Variants in CCDC88C observed in about 807,000 individuals in gnomAD.
The protein encoded by CCDC88C is coiled-coil and HOOK domain protein 88C.
Under a neutral mutation model 198.8 loss-of-function variants are expected in CCDC88C, and 131 were observed. That is an observed-to-expected ratio of 0.66 (90% CI 0.57 to 0.76). The LOEUF (loss-of-function observed/expected upper bound fraction) is 0.76. Ranked by LOEUF, CCDC88C falls within the 30% of genes least tolerant of loss-of-function variation. CCDC88C has a pLI of 0.00. For synonymous variants in CCDC88C, 1,166 were observed against 1,114.7 expected, an observed-to-expected ratio of 1.05 and a Z score of -0.92; for missense variants, 2,553 against 2,631.6, an observed-to-expected ratio of 0.97 and a Z score of 0.65.
intron 12 of CCDC88C, among the ~76,000 whole-genome samples, chr14:91,322,025 G>A (rs1233126525): frequency 6.6e-6 from 1 of 152,072 alleles, no homozygotes; most frequent in African/African-American, 2.4e-5. Context: ...CCACAAGCAG[G>A]TGCATGATTT....
At position 91,288,089 on chromosome 14, in the gene CCDC88C, G is replaced by C. The variant is rs983083601; in HGVS notation, c.4441+1016C>G. 1.3e-5 allele frequency among the ~76,000 whole-genome samples: 2 copies of C among 152,200 alleles called. No individual in the cohort carries two copies. Among genetic ancestry groups the C allele is most frequent in the African/African-American group, 4.8e-5 (2 of 41,450 alleles). ...GGTCCTATTTTCCTTTTACGTGTGT[G>C]TACAAAAATCGAATTCTTATTTAGA... is the stretch of plus-strand genomic sequence containing the variant. On this transcript the variant is annotated intron_variant, in intron 25 of 29. Transcript: ENST00000389857. This position sits in a 1 kb window ranked among gnomAD's most constrained non-coding sequence, Gnocchi z 4.2.
intron 26 of CCDC88C, among the ~76,000 whole-genome samples, chr14:91,282,121 G>C (rs1010691264): frequency 6.6e-6 from 1 of 152,152 alleles, no homozygotes; most frequent in African/African-American, 2.4e-5. Context: ...AGCAGACCCT[G>C]GGTCCCCTCC....
At chr14:91,283,260 G>A (rs905344036) in intron 26 of CCDC88C, 69 bp downstream of exon 26, 27 of 1,487,176 alleles carry the variant, frequency 1.8e-5, no homozygotes, top group Non-Finnish European at 2.1e-5. Flanking sequence ...TCTGATTTCC[G>A]AGAGCCTGGG....
At chr14:91,368,241 C>T (rs17127279) in intron 3 of CCDC88C, among the ~76,000 whole-genome samples, 5,223 of 152,252 alleles carry the variant, frequency 0.034, 324 homozygotes, top group African/African-American at 0.12. Context: ...GGTTTCTCTG[C>T]TAATTCCTGT....
rs1311291887 is a variant in CCDC88C at position 91,281,161 on chromosome 14, C to A, written c.4699+296G>T. 3 of 582,988 alleles carry A rather than the reference C, an allele frequency of 5.1e-6. No individual in the cohort carries two copies. In the East Asian group the frequency reaches 1.4e-4, roughly 27 times the overall value. 36.1% of individuals were successfully genotyped at this position (582,988 alleles called of 1,614,324 possible). A position where few individuals can be genotyped will look rare whatever the true frequency, so the allele number is the denominator to read the frequency against. On this transcript the variant is annotated intron_variant, in intron 27 of 29. Coordinates refer to ENST00000389857, the MANE Select transcript of CCDC88C (RefSeq NM_001080414.4). ...ACCTTCTTGAAATGAACGCTCCCCA[C>A]CTGGGCCACCGGAACTTCCTGGCCA...
chr14:91,319,467 G>C (rs1253877692), intron 13 of CCDC88C, among the ~76,000 whole-genome samples: 1 of 152,226 alleles, frequency 6.6e-6, no homozygotes, highest in Non-Finnish European at 1.5e-5. Flanking sequence ...GCACTGACCT[G>C]CTTGTTTTAC....
At chr14:91,290,682 G>A (rs1048033541) in intron 24 of CCDC88C, among the ~76,000 whole-genome samples, 5 of 152,204 alleles carry the variant, frequency 3.3e-5, no homozygotes, top group African/African-American at 4.8e-5. Flanking sequence ...ATCCTGAGAC[G>A]AAAACCTGAC....
chr14:91,415,896 G>A (rs909662448), intron 2 of CCDC88C, among the ~76,000 whole-genome samples: 4 of 152,230 alleles, frequency 2.6e-5, no homozygotes, highest in Non-Finnish European at 5.9e-5. Context: ...ATGACAACTT[G>A]CTCAGTCGTA....
Position 91,273,729 on chromosome 14 carries a change from C to T in CCDC88C, c.5059-76G>A, listed in dbSNP as rs113563246. On this transcript the variant is annotated intron_variant, in intron 29 of 29. Coordinates refer to ENST00000389857, the MANE Select transcript of CCDC88C (RefSeq NM_001080414.4). The surrounding 1 kb of genome is among the most constrained non-coding windows in gnomAD (Gnocchi z 5.6). The stretch of plus-strand genomic sequence containing the variant: ...CCTTGGAGCCGCCTCCTGCGCGGGA[C>T]GCCCCCGAGCAGCCCACGTGGCTGG... The T allele has an allele frequency of 3.4e-5, 44 of 1,285,496 alleles. No homozygotes were observed. The highest frequency in any genetic ancestry group is 2.4e-4 in the African/African-American group (16 of 65,534). The allele number at this position is 1,285,496 out of a possible 1,614,324, so 79.6% of individuals were successfully genotyped here.
intron 23 of CCDC88C, 77 bp downstream of exon 23, chr14:91,294,096 A>G (rs1193503579): frequency 6.4e-7 from 1 of 1,556,308 alleles, no homozygotes; most frequent in East Asian, 2.3e-5. Context: ...TCTGCATGGG[A>G]AGCCAGGACC....
intron 13 of CCDC88C, among the ~76,000 whole-genome samples, chr14:91,319,230 G>A (rs1051889843): frequency 2.0e-5 from 3 of 152,218 alleles, no homozygotes; most frequent in Admixed American, 6.5e-5. Context: ...AAGACCTGTC[G>A]GCAATCCCTA....
Position 91,324,937 on chromosome 14 carries a change from G to C in CCDC88C, c.1198-14C>G. On this transcript the variant is annotated splice_polypyrimidine_tract_variant and intron_variant, in intron 11 of 29. Transcript: ENST00000389857. ...TGTGTCCCGGTCCTGGGGCAAGCAA[G>C]AAGAGGCAAGAAGTGAGGCTGCACA... 6.2e-7 allele frequency: 1 copy of C among 1,613,064 alleles called. No individual in the cohort carries two copies. The highest frequency in any genetic ancestry group is 8.5e-7 in the Non-Finnish European group (1 of 1,179,882).
chr14:91,295,134 T>C (rs1890946655), intron 22 of CCDC88C, among the ~76,000 whole-genome samples: 1 of 152,180 alleles, frequency 6.6e-6, no homozygotes, highest in South Asian at 2.1e-4. Flanking sequence ...GTGGGAAACA[T>C]AGGCTGTCCC....
Position 91,289,306 on chromosome 14 carries a change from G to A in CCDC88C, c.4240C>T (p.Leu1414Phe). Reference sequence around the variant, plus strand: ...GAACCCTCTTTCTTTGGTTTGATGAGTTTGACTAAGGCTTTGGCTCCAATC... The same window carrying A: ...GAACCCTCTTTCTTTGGTTTGATGAATTTGACTAAGGCTTTGGCTCCAATC... ...HWIGAKALVK[L>F]IKPKKEGSRE... Residue 1414 changes from leucine to phenylalanine, a missense_variant, in exon 25 of 30, where the codon CTC (leucine) becomes TTC (phenylalanine). Physicochemically the swap from Leu to Phe is conservative, Grantham distance 22. Around this residue, in one of 2 missense-constraint regions of CCDC88C, gnomAD observed 1,293 missense variants for 1,219.6 expected, o/e 1.06. Transcript: ENST00000389857. 1.2e-6 allele frequency: 2 copies of A among 1,614,054 alleles called. No individual in the cohort carries two copies. Among genetic ancestry groups the A allele is most frequent in the South Asian group, 1.1e-5 (1 of 91,084 alleles).
Position 91,293,554 on chromosome 14 carries a change from C to T in CCDC88C, c.4112+619G>A, listed in dbSNP as rs1277239053. 7.7e-4 allele frequency among the ~76,000 whole-genome samples: 38 copies of T among 49,192 alleles called. 1 individual carries two copies. The highest frequency in any genetic ancestry group is 8.5e-4 in the South Asian group (1 of 1,174). The allele number at this position is 49,192 out of a possible 152,430, so 32.3% of individuals were successfully genotyped here. On this transcript the variant is annotated intron_variant, in intron 23 of 29. Transcript: ENST00000389857. ...CCTGCCACGGCCCACCTTCCTGTCCCCTCGCCTGCCACGGCCCACCTTCCT... is the reference window on the plus strand; with the variant it reads ...CCTGCCACGGCCCACCTTCCTGTCCTCTCGCCTGCCACGGCCCACCTTCCT...
chr14:91,348,157 C>T (rs112521778), intron 4 of CCDC88C, among the ~76,000 whole-genome samples: 43 of 152,122 alleles, frequency 2.8e-4, no homozygotes, highest in Middle Eastern at 3.4e-3. Context: ...AGGCGCACAC[C>T]ACCATGCCCA....
intron 1 of CCDC88C, chr14:91,417,039 G>A: frequency 1.4e-6 from 1 of 699,488 alleles, no homozygotes. Flanking sequence ...ACAGACACGA[G>A]ACAGGAGGAA....
chr14:91,282,377 C>A (rs1246793262), intron 26 of CCDC88C, among the ~76,000 whole-genome samples: 1 of 152,222 alleles, frequency 6.6e-6, no homozygotes, highest in African/African-American at 2.4e-5. Flanking sequence ...TCAGCTGTTT[C>A]TTTGGATATT....
In CCDC88C at chr14:91,338,646, C is replaced by A; in HGVS notation, c.810-76G>T. 1.8e-6 allele frequency: 2 copies of A among 1,113,610 alleles called. No individual in the cohort carries two copies. 69.0% of individuals were successfully genotyped at this position (1,113,610 alleles called of 1,614,324 possible). On this transcript the variant is annotated intron_variant, in intron 8 of 29. Coordinates refer to ENST00000389857, the MANE Select transcript of CCDC88C (RefSeq NM_001080414.4). This position sits in a 1 kb window ranked among gnomAD's most constrained non-coding sequence, Gnocchi z 4.8. ...CAGCCCTGGGAGCAGGCTGCCACTT[C>A]CTAAAACCTGTGGGAAAAGGAAAGG...
Sources: gnomAD v4.1 joint callset for allele counts (sites outside exome capture counted in the v4.1 genomes callset) on GRCh38, gnomAD v4.1.1 for gene constraint, gnomAD v4.1.1 regional missense constraint, Gnocchi (gnomAD v3.1) non-coding constraint, MANE v1.5 for transcripts, NCBI Gene and HGNC (gene_info 2026-07-23, HGNC 2026-07-21) for gene names.